DAGLB: variants seen among roughly 807,000 people sequenced by gnomAD.
DAGLB encodes diacylglycerol lipase beta.
In DAGLB, 66 loss-of-function variants were observed where a neutral mutation model predicts 72.1. The observed-to-expected ratio is 0.92, with a 90% CI of 0.75 to 1.12. The LOEUF (loss-of-function observed/expected upper bound fraction) is 1.12, where lower values mean the gene tolerates loss of function less well. Ranked by LOEUF, DAGLB falls within the 50% of genes most tolerant of loss-of-function variation. The probability of loss-of-function intolerance (pLI) is 0.00; values close to 1 mark genes in which losing one functional copy is unlikely to be tolerated. For missense variants in DAGLB, 1,065 were observed against 884.9 expected, an observed-to-expected ratio of 1.20 and a Z score of -2.58; for synonymous variants, 414 against 359.5, an observed-to-expected ratio of 1.15 and a Z score of -1.71.
At chr7:6,444,292 G>C (rs767579958) in intron 2 of DAGLB, among the ~76,000 whole-genome samples, 4 of 151,916 alleles carry the variant, frequency 2.6e-5, no homozygotes, top group Non-Finnish European at 4.4e-5. Context: ...CAAAATAGTT[G>C]TAACCCTCAC....
At chr7:6,446,980 C>T (rs1467845034) in intron 1 of DAGLB, among the ~76,000 whole-genome samples, 2 of 151,932 alleles carry the variant, frequency 1.3e-5, no homozygotes, top group East Asian at 3.9e-4. Context: ...ACTGCACTCC[C>T]GCCTGGGTAG....
In DAGLB at chr7:6,446,732, G is replaced by A. The variant is rs893828425; in HGVS notation, c.96-628C>T. Among the ~76,000 whole-genome samples, 5 of 151,714 alleles carry A rather than the reference G, an allele frequency of 3.3e-5. No homozygotes were observed. The South Asian group carries it at 6.3e-4, about 19-fold the overall frequency. On this transcript the variant is annotated intron_variant, in intron 1 of 14. Coordinates refer to ENST00000297056, the MANE Select transcript of DAGLB (RefSeq NM_139179.4). Reference sequence around the variant, plus strand: ...TGCCAACAATAAAAGATCTAGGCCCGGCACGGCGGCTCACGTCTGTAATCC... The same window carrying A: ...TGCCAACAATAAAAGATCTAGGCCCAGCACGGCGGCTCACGTCTGTAATCC...
Position 6,412,897 on chromosome 7 carries a change from G to C in DAGLB, c.1497-14C>G. 1.2e-6 allele frequency: 2 copies of C among 1,611,324 alleles called. No individual in the cohort carries two copies. The highest frequency in any genetic ancestry group is 2.2e-5 in the South Asian group (2 of 90,578). On this transcript the variant is annotated splice_polypyrimidine_tract_variant and intron_variant, in intron 12 of 14. Transcript: ENST00000297056. ...GTCACACTGAGCCTGTTTAGCAAAG[G>C]GGCACACTGAGGCTGGGACCTGGCA... is the stretch of plus-strand genomic sequence containing the variant.
intron 3 of DAGLB, among the ~76,000 whole-genome samples, chr7:6,435,936 T>C (rs990103984): frequency 6.6e-6 from 1 of 152,168 alleles, no homozygotes; most frequent in African/African-American, 2.4e-5. Context: ...CACGAAAACC[T>C]TATTGTTCTA....
rs36026233 is a variant in DAGLB at position 6,437,155 on chromosome 7, AAATAATAAT to A, written c.248-631_248-623del. ...GGTGACAGAGCAAGACTCCGTCTCA[AAATAATAAT>A]AATAATAATAATAATAATAATAATA... On this transcript the variant is annotated intron_variant, in intron 2 of 14. Coordinates refer to ENST00000297056, the MANE Select transcript of DAGLB (RefSeq NM_139179.4). Among the ~76,000 whole-genome samples, 80 of 125,496 alleles carry A rather than the reference AAATAATAAT, an allele frequency of 6.4e-4. 1 individual carries two copies. The highest frequency in any genetic ancestry group is 4.7e-3 in the East Asian group (10 of 2,108). 82.3% of individuals were successfully genotyped at this position (125,496 alleles called of 152,430 possible).
chr7:6,444,388 G>A (rs1445501911), intron 2 of DAGLB, among the ~76,000 whole-genome samples: 1 of 152,148 alleles, frequency 6.6e-6, no homozygotes, highest in East Asian at 1.9e-4. Flanking sequence ...GATCACGTGA[G>A]GTCAGGAGAT....
intron 11 of DAGLB, among the ~76,000 whole-genome samples, chr7:6,414,840 T>C (rs1783851257): frequency 6.6e-6 from 1 of 152,128 alleles, no homozygotes; most frequent in Non-Finnish European, 1.5e-5. Flanking sequence ...TACTTGCTCA[T>C]TTCAAGCCCA....
At chr7:6,422,124 G>A in intron 8 of DAGLB, 1 of 406,908 alleles carries the variant, frequency 2.5e-6, no homozygotes, top group South Asian at 2.0e-5. Flanking sequence ...CCAGGGTTCT[G>A]AACAAAGCCT....
Position 6,409,737 on chromosome 7 carries a change from A to AT in DAGLB, c.*99dup, listed in dbSNP as rs1483451581. 1.5e-6 allele frequency: 2 copies of AT among 1,322,714 alleles called. No homozygotes were observed. The highest frequency in any genetic ancestry group is 2.1e-6 in the Non-Finnish European group (2 of 969,058). The allele number at this position is 1,322,714 out of a possible 1,614,324, so 81.9% of individuals were successfully genotyped here. A position where few individuals can be genotyped will look rare whatever the true frequency, so the allele number is the denominator to read the frequency against. ...TCCCATCCGATTCCTGTTGATGGAC[A>AT]TTCGCTGTTTTGGCGTCATGGGAAC... On this transcript the variant is annotated 3_prime_UTR_variant, in exon 15 of 15. Coordinates refer to ENST00000297056, the MANE Select transcript of DAGLB (RefSeq NM_139179.4).
chr7:6,421,726 C>A lies in DAGLB; in HGVS notation c.1218+1G>T, dbSNP rs1246416695. The stretch of plus-strand genomic sequence containing the variant: ...CAAGACACACGAGTCCGCGCTCATA[C>A]CTTGTGTGCCAGGCGGTCCTGCACC... On this transcript the variant is annotated splice_donor_variant, in intron 9 of 14. Transcript: ENST00000297056. LOFTEE classifies it high-confidence loss of function. 1 of 1,608,542 alleles carries A rather than the reference C, an allele frequency of 6.2e-7. No individual in the cohort carries two copies. The highest frequency in any genetic ancestry group is 8.5e-7 in the Non-Finnish European group (1 of 1,176,406).
At chr7:6,443,115 G>A (rs1339588197) in intron 2 of DAGLB, among the ~76,000 whole-genome samples, 1 of 150,886 alleles carries the variant, frequency 6.6e-6, no homozygotes, top group Non-Finnish European at 1.5e-5. Flanking sequence ...CCCGGGAGGC[G>A]GAGCTTACAG....
chr7:6,435,283 C>T (rs1474458138), intron 3 of DAGLB, among the ~76,000 whole-genome samples: 2 of 152,110 alleles, frequency 1.3e-5, no homozygotes, highest in East Asian at 1.9e-4. Context: ...GTCAGGAGAT[C>T]GAGACCAGCC....
intron 2 of DAGLB, among the ~76,000 whole-genome samples, chr7:6,445,283 C>T (rs2115302160): frequency 6.6e-6 from 1 of 152,328 alleles, no homozygotes. Context: ...ATTCGATGCT[C>T]TTATTCAGCC....
At chr7:6,439,907 C>A (rs1314209047) in intron 2 of DAGLB, among the ~76,000 whole-genome samples, 1 of 151,724 alleles carries the variant, frequency 6.6e-6, no homozygotes, top group Non-Finnish European at 1.5e-5. Flanking sequence ...CAAAAATTAG[C>A]CAGGCATGGT....
chr7:6,422,376 G>A (rs956088482), intron 8 of DAGLB: 1 of 240,962 alleles, frequency 4.2e-6, no homozygotes, highest in African/African-American at 2.2e-5. Flanking sequence ...CTGGGGCCCT[G>A]GGCACGGCTC....
chr7:6,414,160 A>G (rs1306419836), intron 11 of DAGLB, among the ~76,000 whole-genome samples: 1 of 150,236 alleles, frequency 6.7e-6, no homozygotes, highest in African/African-American at 2.5e-5. Context: ...ACAGGCGCCC[A>G]CCACCACGCC....
chr7:6,447,592 C>T (rs1287863091), intron 1 of DAGLB, among the ~76,000 whole-genome samples, 156 bp downstream of exon 1: 1 of 152,208 alleles, frequency 6.6e-6, no homozygotes, highest in East Asian at 1.9e-4. Flanking sequence ...CTGCCCACCT[C>T]TTCGGGCAGT....
At position 6,447,730 on chromosome 7, in the gene DAGLB, C is replaced by G. The variant is rs752976964; in HGVS notation, c.95+18G>C. ...CCTCTCCGGTGGGCTCCACCGCCCC[C>G]GTAGCCGCCGTCCTTACCACAGCAC... On this transcript the variant is annotated intron_variant, in intron 1 of 14. Coordinates refer to ENST00000297056, the MANE Select transcript of DAGLB (RefSeq NM_139179.4). 1.1e-5 allele frequency: 17 copies of G among 1,608,634 alleles called. No homozygotes were observed. In the East Asian group the frequency reaches 1.1e-4, roughly 11 times the overall value.
At position 6,410,878 on chromosome 7, in the gene DAGLB, G is replaced by GTTT. The variant is rs1562476598; in HGVS notation, c.1570-499_1570-498insAAA. Among the ~76,000 whole-genome samples, 4 of 112,774 alleles carry GTTT rather than the reference G, an allele frequency of 3.5e-5. 1 individual carries two copies. Among genetic ancestry groups the GTTT allele is most frequent in the African/African-American group, 1.1e-4 (3 of 28,068 alleles). The allele number at this position is 112,774 out of a possible 152,430, so 74.0% of individuals were successfully genotyped here. On this transcript the variant is annotated intron_variant, in intron 13 of 14. Transcript: ENST00000297056. Reference sequence around the variant, plus strand: ...TGCCACCATGCCCGGCTAATTTTTTGTATTTTTTTTTTTTTTTTTTTTTTG... The same window carrying GTTT: ...TGCCACCATGCCCGGCTAATTTTTTGTTTTATTTTTTTTTTTTTTTTTTTTTTG...
Sources: allele counts gnomAD v4.1 joint callset (sites outside exome capture counted in the v4.1 genomes callset), GRCh38; gene constraint gnomAD v4.1.1; transcripts MANE v1.5; gene names NCBI Gene and HGNC (gene_info 2026-07-23, HGNC 2026-07-21).